The following SPOCK1 variants were observed in gnomAD, a reference collection of about 807,000 sequenced individuals.
SPOCK1 encodes SPARC (osteonectin), cwcv and kazal like domains proteoglycan 1.
In SPOCK1, 23 loss-of-function variants were observed where a neutral mutation model predicts 55.3. The ratio of observed to expected loss-of-function variants is 0.42; its 90% CI spans 0.30 to 0.59. The LOEUF (loss-of-function observed/expected upper bound fraction) is 0.59, where lower values mean the gene tolerates loss of function less well. Among genes scored for constraint, SPOCK1 ranks in the 20% least tolerant of loss-of-function variants. The pLI, the probability that SPOCK1 is intolerant of heterozygous loss-of-function variation, is 0.22. For missense variants in SPOCK1, 499 were observed against 552.5 expected (o/e 0.90, Z 0.97); for synonymous variants, 226 against 221.0 (o/e 1.02, Z -0.20).
intron 6 of SPOCK1, among the ~76,000 whole-genome samples, chr5:137,042,226 C>A (rs1211708059): frequency 6.6e-6 from 1 of 152,084 alleles, no homozygotes; most frequent in Admixed American, 6.6e-5. Context: ...TGCACAGTTC[C>A]ATTTATATGA....
chr5:137,129,134 C>T (rs1349404794), intron 4 of SPOCK1, among the ~76,000 whole-genome samples: 1 of 152,212 alleles, frequency 6.6e-6, no homozygotes, highest in Non-Finnish European at 1.5e-5. Context: ...CAGGGTGTTG[C>T]AGAATCTAGC....
At chr5:137,294,491 C>T (rs1757438323) in intron 2 of SPOCK1, among the ~76,000 whole-genome samples, 1 of 152,246 alleles carries the variant, frequency 6.6e-6, no homozygotes, top group Admixed American at 6.5e-5. Context: ...AACACCCATG[C>T]TGTCTCCATC....
intron 2 of SPOCK1, among the ~76,000 whole-genome samples, chr5:137,356,838 T>TATATATAGAGAGAGAGAG (rs1554077335): frequency 1.8e-4 from 1 of 5,454 alleles, no homozygotes; most frequent in Non-Finnish European, 3.1e-4. Context: ...TATATATATA[T>TATATATAGAGAGAGAGAG]AGAGAGAGAG....
intron 6 of SPOCK1, among the ~76,000 whole-genome samples, chr5:136,997,369 G>T (rs572919742): frequency 2.0e-5 from 3 of 152,024 alleles, no homozygotes; most frequent in Non-Finnish European, 4.4e-5. Flanking sequence ...ACTGGAACAG[G>T]CTCCTAATTG....
rs376748339 is a variant in SPOCK1, at chr5:137,279,139, G to T, written c.187-12084C>A. Among the ~76,000 whole-genome samples, 8 of 152,196 alleles carry T rather than the reference G, an allele frequency of 5.3e-5. No individual in the cohort carries two copies. In the East Asian group the frequency reaches 9.7e-4, roughly 18 times the overall value. On this transcript the variant is annotated intron_variant, in intron 2 of 10. Transcript: ENST00000394945. ...GAGCCCCTGGAGGGCTTATTTGGAG[G>T]GTGACTCCACCAAACTGGTATTTTC...
chr5:137,292,125 T>C (rs76277161), intron 2 of SPOCK1, among the ~76,000 whole-genome samples: 23 of 152,184 alleles, frequency 1.5e-4, no homozygotes, highest in Non-Finnish European at 2.5e-4. Context: ...AACTTTCAAA[T>C]TACAGGGAAC....
chr5:137,038,373 G>T (rs1292443469), intron 6 of SPOCK1, among the ~76,000 whole-genome samples: 1 of 152,192 alleles, frequency 6.6e-6, no homozygotes, highest in Non-Finnish European at 1.5e-5. Context: ...CCCAGAACCA[G>T]GCCTGGGAAG....
At chr5:137,206,285 G>C (rs1217316927) in intron 3 of SPOCK1, among the ~76,000 whole-genome samples, 3 of 152,226 alleles carry the variant, frequency 2.0e-5, no homozygotes, top group African/African-American at 7.2e-5. Flanking sequence ...AGAGTGGCCT[G>C]AGAATTCCCT....
chr5:137,016,365 C>A (rs1751447549), intron 6 of SPOCK1, among the ~76,000 whole-genome samples: 1 of 152,182 alleles, frequency 6.6e-6, no homozygotes, highest in Non-Finnish European at 1.5e-5. Flanking sequence ...ATTTAACAAG[C>A]CGGACATCCA....
chr5:137,380,687 A>C (rs988969390), intron 2 of SPOCK1, among the ~76,000 whole-genome samples: 3 of 152,162 alleles, frequency 2.0e-5, no homozygotes, highest in Non-Finnish European at 4.4e-5. Flanking sequence ...GAATTTACTC[A>C]CTAATTCGAG....
At chr5:137,180,129 C>T (rs1361831545) in intron 3 of SPOCK1, among the ~76,000 whole-genome samples, 2 of 152,146 alleles carry the variant, frequency 1.3e-5, no homozygotes, top group Admixed American at 6.5e-5. Context: ...GGCAAGCATC[C>T]GGTTCTCCAC....
intron 3 of SPOCK1, among the ~76,000 whole-genome samples, chr5:137,194,746 C>T (rs1755264150): frequency 6.6e-6 from 1 of 152,152 alleles, no homozygotes; most frequent in Non-Finnish European, 1.5e-5. Flanking sequence ...CACCCTCTAC[C>T]CCAGAGCATT....
intron 2 of SPOCK1, among the ~76,000 whole-genome samples, chr5:137,438,919 G>T (rs1752922490): frequency 6.6e-6 from 1 of 152,166 alleles, no homozygotes; most frequent in Admixed American, 6.5e-5. Flanking sequence ...GATCATTTGG[G>T]TTCGTTAGGC....
At chr5:137,232,307 T>G (rs1384495956) in intron 3 of SPOCK1, among the ~76,000 whole-genome samples, 2 of 152,176 alleles carry the variant, frequency 1.3e-5, no homozygotes, top group African/African-American at 4.8e-5. Context: ...TTCCTAAAAG[T>G]TGTATAGTTT....
chr5:137,226,461 A>C (rs770779365), intron 3 of SPOCK1, among the ~76,000 whole-genome samples: 6 of 152,218 alleles, frequency 3.9e-5, no homozygotes, highest in African/African-American at 1.4e-4. Flanking sequence ...AGTGCCATGC[A>C]TACAGGCTGG....
intron 2 of SPOCK1, among the ~76,000 whole-genome samples, chr5:137,337,009 C>G (rs1173016587): frequency 6.6e-6 from 1 of 152,246 alleles, no homozygotes; most frequent in Non-Finnish European, 1.5e-5. Context: ...ACCAGTGACA[C>G]TGTCTCCCTT....
intron 3 of SPOCK1, among the ~76,000 whole-genome samples, chr5:137,244,003 C>T (rs967954714): frequency 6.6e-6 from 1 of 152,148 alleles, no homozygotes; most frequent in Non-Finnish European, 1.5e-5. Flanking sequence ...GCCCTCTTTC[C>T]CAACAGTGGT....
chr5:137,434,826 T>C (rs911650298), intron 2 of SPOCK1, among the ~76,000 whole-genome samples: 1 of 152,090 alleles, frequency 6.6e-6, no homozygotes, highest in African/African-American at 2.4e-5. Context: ...TGTTAACTGG[T>C]AAATATCAGT....
intron 2 of SPOCK1, among the ~76,000 whole-genome samples, chr5:137,479,024 C>T (rs569838777): frequency 5.9e-5 from 9 of 151,736 alleles, no homozygotes; most frequent in Non-Finnish European, 1.2e-4. Flanking sequence ...CGGTGGTCAC[C>T]AGCCTTTGGG....
Sources: gnomAD v4.1 joint callset for allele counts (sites outside exome capture counted in the v4.1 genomes callset) on GRCh38, gnomAD v4.1.1 for gene constraint, MANE v1.5 for transcripts, NCBI Gene and HGNC (gene_info 2026-07-23, HGNC 2026-07-21) for gene names.